The following ROBO1 variants were observed in gnomAD, a reference collection of about 807,000 sequenced individuals.
ROBO1 encodes roundabout guidance receptor 1, also known as roundabout homolog 1.
A neutral mutation model predicts 195.9 loss-of-function variants in ROBO1; 149 were observed. The observed-to-expected ratio is 0.76, with a 90% CI of 0.67 to 0.87. The LOEUF is 0.87. ROBO1 is among the 40% of genes least tolerant of loss of function. The pLI is 0.00. For synonymous variants in ROBO1, 816 were observed against 733.2 expected (o/e 1.11, Z -1.82); for missense variants, 1,933 against 2,068.3 (o/e 0.93, Z 1.27).
chr3:79,188,630 T>C (rs2081484919), intron 2 of ROBO1, among the ~76,000 whole-genome samples: 1 of 151,796 alleles, frequency 6.6e-6, no homozygotes, highest in Non-Finnish European at 1.5e-5. Context: ...ACACTTGGAT[T>C]TTTTGAAAAT....
At chr3:79,468,827 T>A (rs1344228820) in intron 2 of ROBO1, among the ~76,000 whole-genome samples, 2 of 152,040 alleles carry the variant, frequency 1.3e-5, no homozygotes, top group Non-Finnish European at 2.9e-5. Context: ...CTTCTCGGAG[T>A]TTTAGTTTGG....
chr3:79,598,865 C>A (rs564052391), intron 1 of ROBO1, among the ~76,000 whole-genome samples: 1 of 152,062 alleles, frequency 6.6e-6, no homozygotes, highest in Non-Finnish European at 1.5e-5. Flanking sequence ...GAGAAAACAG[C>A]AGCTAATTCC....
At chr3:79,729,361 C>T (rs751268415) in intron 1 of ROBO1, among the ~76,000 whole-genome samples, 4 of 152,066 alleles carry the variant, frequency 2.6e-5, no homozygotes, top group Non-Finnish European at 5.9e-5. Context: ...ACTTCAAAGC[C>T]CACACTCTGA....
At chr3:79,552,112 C>T (rs1335422475) in intron 2 of ROBO1, among the ~76,000 whole-genome samples, 1 of 150,530 alleles carries the variant, frequency 6.6e-6, no homozygotes, top group Non-Finnish European at 1.5e-5. Flanking sequence ...AAAAGGCTAC[C>T]TGCTGTAGTA....
At chr3:78,926,932 T>G (rs1186376748) in intron 4 of ROBO1, among the ~76,000 whole-genome samples, 2 of 152,150 alleles carry the variant, frequency 1.3e-5, no homozygotes, top group East Asian at 3.9e-4. Context: ...ACATGAAAGT[T>G]GGATGCAATC....
chr3:79,077,721 A>G (rs943865132), intron 3 of ROBO1, among the ~76,000 whole-genome samples: 1 of 151,898 alleles, frequency 6.6e-6, no homozygotes, highest in Non-Finnish European at 1.5e-5. Context: ...TATTTCTAGT[A>G]GGCTTACAAT....
chr3:79,201,728 C>T (rs2081768032), intron 2 of ROBO1, among the ~76,000 whole-genome samples: 1 of 151,688 alleles, frequency 6.6e-6, no homozygotes, highest in African/African-American at 2.4e-5. Flanking sequence ...TCAAAATAAC[C>T]TTTTACACAG....
intron 2 of ROBO1, among the ~76,000 whole-genome samples, chr3:79,314,686 G>C (rs776252702): frequency 2.0e-5 from 3 of 152,178 alleles, no homozygotes; most frequent in Non-Finnish European, 2.9e-5. Context: ...AACATGAGTT[G>C]TTATGTTCTC....
intron 4 of ROBO1, among the ~76,000 whole-genome samples, chr3:78,842,604 T>A (rs1488324039): frequency 0.012 from 7 of 598 alleles, 3 homozygotes; most frequent in Admixed American, 0.077. Context: ...ATATATATAT[T>A]TTTATATATG....
chr3:79,143,625 G>A (rs774207127), intron 2 of ROBO1, among the ~76,000 whole-genome samples: 3 of 151,954 alleles, frequency 2.0e-5, no homozygotes, highest in Non-Finnish European at 4.4e-5. Flanking sequence ...AATTTATCCT[G>A]AATCCTACCA....
chr3:79,750,556 TAGG>T (rs1375258166), intron 1 of ROBO1, among the ~76,000 whole-genome samples: 1 of 152,108 alleles, frequency 6.6e-6, no homozygotes, highest in Non-Finnish European at 1.5e-5. Flanking sequence ...AGGAATCCAG[TAGG>T]AGGTGAATAA....
At position 79,160,080 on chromosome 3, in the gene ROBO1, T is replaced by G. The variant is rs2108661078; in HGVS notation, c.89-34541A>C. On this transcript the variant is annotated intron_variant, in intron 2 of 30. Coordinates refer to ENST00000464233, the MANE Select transcript of ROBO1 (RefSeq NM_002941.4). ...TCTAGACATATGTGATGCAAAATAT[T>G]CCACTTGAGTTGAAATCAGTTTAAG... Among the ~76,000 whole-genome samples the G allele has an allele frequency of 1.3e-5, 2 of 152,144 alleles. 1 individual carries two copies. Among genetic ancestry groups the G allele is most frequent in the South Asian group, 4.1e-4 (2 of 4,826 alleles).
At chr3:78,616,359 A>T (rs1254888443) in intron 27 of ROBO1, among the ~76,000 whole-genome samples, 1 of 152,178 alleles carries the variant, frequency 6.6e-6, no homozygotes, top group African/African-American at 2.4e-5. Context: ...TACATTCAGC[A>T]GCTACTAGAG....
intron 4 of ROBO1, among the ~76,000 whole-genome samples, chr3:78,815,433 C>A (rs540965247): frequency 1.3e-5 from 2 of 152,140 alleles, no homozygotes; most frequent in South Asian, 4.1e-4. Context: ...GGAAAAAGTT[C>A]TAGTGATCTA....
chr3:79,346,537 A>G (rs1050906130), intron 2 of ROBO1, among the ~76,000 whole-genome samples: 1 of 152,130 alleles, frequency 6.6e-6, no homozygotes, highest in Non-Finnish European at 1.5e-5. Context: ...GTTCATACAC[A>G]TATACTTTTA....
chr3:79,429,739 G>T (rs1207589482), intron 2 of ROBO1, among the ~76,000 whole-genome samples: 5 of 152,068 alleles, frequency 3.3e-5, no homozygotes, highest in African/African-American at 4.8e-5. Flanking sequence ...CTTTGAACTG[G>T]CTACTCCATA....
chr3:79,740,990 T>C (rs1703619231), intron 1 of ROBO1, among the ~76,000 whole-genome samples: 1 of 152,214 alleles, frequency 6.6e-6, no homozygotes, highest in Non-Finnish European at 1.5e-5. Context: ...TTCAAGGAGA[T>C]AGTGCAGATT....
At chr3:78,979,146 T>C (rs1324465200) in intron 3 of ROBO1, among the ~76,000 whole-genome samples, 1 of 152,178 alleles carries the variant, frequency 6.6e-6, no homozygotes, top group Admixed American at 6.6e-5. Flanking sequence ...CCTCATGGCT[T>C]TCAGGGTTTG....
At chr3:79,058,146 G>T (rs1020826154) in intron 3 of ROBO1, among the ~76,000 whole-genome samples, 6 of 151,902 alleles carry the variant, frequency 3.9e-5, no homozygotes, top group African/African-American at 1.4e-4. Flanking sequence ...AAATTTTGAG[G>T]CCCCATCTAA....
Sources: allele counts gnomAD v4.1 joint callset (sites outside exome capture counted in the v4.1 genomes callset), GRCh38; gene constraint gnomAD v4.1.1; transcripts MANE v1.5; gene names NCBI Gene and HGNC (gene_info 2026-07-23, HGNC 2026-07-21).